Variants in FASTKD1 observed in about 807,000 individuals in gnomAD.
FASTKD1 encodes the protein FAST kinase domain-containing protein 1, mitochondrial.
A neutral mutation model predicts 90.9 loss-of-function variants in FASTKD1; 94 were observed. The observed-to-expected ratio is 1.03, with a 90% CI of 0.88 to 1.23. The LOEUF (loss-of-function observed/expected upper bound fraction) is 1.23. FASTKD1 is among the 50% of genes most tolerant of loss of function. The pLI is 0.00. For synonymous variants in FASTKD1, 319 were observed against 345.8 expected, an observed-to-expected ratio of 0.92 and a Z score of 0.86; for missense variants, 945 against 993.5, an observed-to-expected ratio of 0.95 and a Z score of 0.66.
intron 3 of FASTKD1, among the ~76,000 whole-genome samples, chr2:169,563,709 CAA>C (rs1005236357): frequency 6.6e-6 from 1 of 151,562 alleles, no homozygotes; most frequent in African/African-American, 2.4e-5. Context: ...AATGGCAAGA[CAA>C]AAGAGAGGAA....
chr2:169,531,572 G>T, intron 12 of FASTKD1, 82 bp from the exon 13 acceptor site: 1 of 1,060,884 alleles, frequency 9.4e-7, no homozygotes, highest in Non-Finnish European at 1.3e-6. Flanking sequence ...AAATATATAT[G>T]CATATAATAT....
chr2:169,552,418 G>A (rs1027471809), intron 7 of FASTKD1, among the ~76,000 whole-genome samples: 6 of 152,034 alleles, frequency 3.9e-5, no homozygotes, highest in African/African-American at 1.2e-4. Flanking sequence ...AAAAAACACT[G>A]CAATGTATGT....
intron 2 of FASTKD1, 117 bp from the exon 3 acceptor site, chr2:169,569,369 G>A: frequency 1.1e-6 from 1 of 936,336 alleles, no homozygotes; most frequent in Non-Finnish European, 1.7e-6. Context: ...TATACAGGCA[G>A]TCCTTATTTC....
At chr2:169,554,581 T>C (rs1307371758) in intron 7 of FASTKD1, among the ~76,000 whole-genome samples, 1 of 113,782 alleles carries the variant, frequency 8.8e-6, no homozygotes, top group East Asian at 2.0e-4. Flanking sequence ...GGAGAATTGC[T>C]TGAACTGGGG....
In FASTKD1 at chr2:169,571,896, T is replaced by C. The variant is rs145051116; in HGVS notation, c.134A>G (p.Lys45Arg). The C allele has an allele frequency of 1.9e-6, 3 of 1,614,120 alleles. No individual in the cohort carries two copies. The East Asian group carries it at 6.7e-5, about 36-fold the overall frequency. ...SCEPLIIQMN[K>R]CTDEEQMFGF... ...AAACATTTGCTCCTCATCTGTACAC[T>C]TATTCATCTGAATAATTAGTGGTTC... The change falls in exon 2 of 15, where the codon AAG (lysine) becomes AGG (arginine). Residue 45 changes from lysine to arginine, a missense_variant. Physicochemically the swap from Lys to Arg is conservative, Grantham distance 26 (BLOSUM62 2). Transcript: ENST00000453153.
intron 12 of FASTKD1, among the ~76,000 whole-genome samples, chr2:169,536,477 TAAC>T (rs1228004071): frequency 6.6e-6 from 1 of 152,150 alleles, no homozygotes; most frequent in Non-Finnish European, 1.5e-5. Flanking sequence ...TTGTTATTAT[TAAC>T]AATATAGTTT....
chr2:169,561,841 T>TTATTTATTAATTTATTGTAAAA (rs1683654838), intron 4 of FASTKD1, among the ~76,000 whole-genome samples: 2 of 143,898 alleles, frequency 1.4e-5, no homozygotes, highest in Non-Finnish European at 3.0e-5. Context: ...TTATTGTAAA[T>TTATTTATTAATTTATTGTAAAA]TATTTATTAA....
chr2:169,532,480 G>T (rs1202502734), intron 12 of FASTKD1, among the ~76,000 whole-genome samples: 1 of 149,460 alleles, frequency 6.7e-6, no homozygotes. Context: ...GCAGAAAGAA[G>T]TACAAGCCAC....
At chr2:169,556,435 CA>C (rs371169439) in intron 6 of FASTKD1, among the ~76,000 whole-genome samples, 50 of 82,704 alleles carry the variant, frequency 6.0e-4, no homozygotes, top group East Asian at 1.2e-3. Flanking sequence ...TACCCTGTCT[CA>C]AAAAAAAAAA....
chr2:169,530,151 G>A (rs991299940), intron 14 of FASTKD1, among the ~76,000 whole-genome samples: 1 of 151,996 alleles, frequency 6.6e-6, no homozygotes, highest in African/African-American at 2.4e-5. Flanking sequence ...TACCAATGAT[G>A]GACATTTTTT....
chr2:169,571,951 T>G lies in FASTKD1; in HGVS notation c.79A>C (p.Arg27=). The G allele has an allele frequency of 4.3e-6, 7 of 1,613,990 alleles. No individual in the cohort carries two copies. In the South Asian group the frequency reaches 7.7e-5, roughly 18 times the overall value. The change falls in exon 2 of 15, where the codon AGA becomes CGA. Residue 27 remains arginine (R), a synonymous_variant. Transcript: ENST00000453153. The stretch of plus-strand genomic sequence containing the variant: ...CTGATGGGTCGAAATTGAAACACTC[T>G]CCAGGAGAATGGACAAATAGCTCTT... ...RLRAICPFSW[R]VFQFRPISCE...
chr2:169,565,390 G>C (rs1574412579), intron 3 of FASTKD1, among the ~76,000 whole-genome samples: 1 of 150,454 alleles, frequency 6.6e-6, no homozygotes, highest in East Asian at 2.0e-4. Context: ...AGCCTCAGGA[G>C]TAGCTGGGAC....
intron 9 of FASTKD1, among the ~76,000 whole-genome samples, chr2:169,542,275 G>A (rs1684990609): frequency 6.6e-6 from 1 of 152,262 alleles, no homozygotes; most frequent in Non-Finnish European, 1.5e-5. Flanking sequence ...CTGACAGTAA[G>A]TACATGGAAA....
Position 169,571,808 on chromosome 2 carries a change from C to G in FASTKD1, c.222G>C (p.Met74Ile), listed in dbSNP as rs1271611384. The part of the protein sequence containing the change: ...SEKQVGCAFD[M>I]LWKLQKQKTS... ...TCTTCTGCTTTTGAAGCTTCCAAAG[C>G]ATATCAAATGCACATCCCACTTGCT... The change falls in exon 2 of 15, where the codon ATG (methionine) becomes ATC (isoleucine). Residue 74 changes from methionine to isoleucine, a missense_variant. Coordinates refer to ENST00000453153, the MANE Select transcript of FASTKD1 (RefSeq NM_024622.6). The G allele has an allele frequency of 6.2e-7, 1 of 1,614,040 alleles. No homozygotes were observed. Among genetic ancestry groups the G allele is most frequent in the South Asian group, 1.1e-5 (1 of 91,076 alleles).
chr2:169,531,049 T>C (rs767162123), intron 13 of FASTKD1: 2 of 674,626 alleles, frequency 3.0e-6, no homozygotes, highest in Non-Finnish European at 5.5e-6. Context: ...TAATGCAGTG[T>C]AGGAAGTGGC....
intron 9 of FASTKD1, among the ~76,000 whole-genome samples, chr2:169,540,840 T>C (rs1211721908): frequency 6.6e-6 from 1 of 152,148 alleles, no homozygotes; most frequent in East Asian, 1.9e-4. Flanking sequence ...CCAAGCAGAG[T>C]GTACACATGT....
rs1164081876 is a variant in FASTKD1, at chr2:169,568,661, G to C, written c.446+523C>G. 3.2e-5 allele frequency among the ~76,000 whole-genome samples: 4 copies of C among 124,750 alleles called. No homozygotes were observed. The East Asian group carries it at 9.3e-4, about 29-fold the overall frequency. 81.8% of individuals were successfully genotyped at this position (124,750 alleles called of 152,430 possible). A position where few individuals can be genotyped will look rare whatever the true frequency, so the allele number is the denominator to read the frequency against. On this transcript the variant is annotated intron_variant, in intron 3 of 14. Transcript: ENST00000453153. ...AAAAAAAAAAAAAAAAAAAAAGAGAGACAGAAAAAGAGAGAAGAAAAAGAA... is the reference window on the plus strand; with the variant it reads ...AAAAAAAAAAAAAAAAAAAAAGAGACACAGAAAAAGAGAGAAGAAAAAGAA...
intron 2 of FASTKD1, among the ~76,000 whole-genome samples, chr2:169,570,434 C>T (rs1398246831): frequency 3.3e-5 from 5 of 152,112 alleles, no homozygotes; most frequent in East Asian, 3.9e-4. Context: ...ACCAAGGAAG[C>T]CCTTCTTTAC....
intron 7 of FASTKD1, among the ~76,000 whole-genome samples, chr2:169,548,511 G>C (rs1469839325): frequency 1.3e-5 from 2 of 150,754 alleles, no homozygotes; most frequent in Non-Finnish European, 3.0e-5. Flanking sequence ...GCGGGGGATA[G>C]CTTGAGCTCA....
Sources: gnomAD v4.1 joint callset for allele counts (sites outside exome capture counted in the v4.1 genomes callset) on GRCh38, gnomAD v4.1.1 for gene constraint, MANE v1.5 for transcripts, NCBI Gene and HGNC (gene_info 2026-07-23, HGNC 2026-07-21) for gene names.